Variants in ARID1B observed in about 807,000 individuals in gnomAD.
ARID1B encodes AT-rich interactive domain-containing protein 1B.
ARID1B carries 30 observed loss-of-function variants against 212.3 expected under a neutral mutation model. The observed-to-expected ratio is 0.14, with a 90% CI of 0.11 to 0.19. The LOEUF is 0.19. ARID1B is among the 10% of genes least tolerant of loss of function. ARID1B has a pLI of 1.00. For synonymous variants in ARID1B, 1,402 were observed against 1,301.7 expected, an observed-to-expected ratio of 1.08 and a Z score of -1.66; for missense variants, 2,891 against 3,204.0, an observed-to-expected ratio of 0.90 and a Z score of 2.36.
At position 156,779,089 on chromosome 6, in the gene ARID1B, C is replaced by T. The variant is rs1299393714; in HGVS notation, c.1409C>T (p.Ala470Val). Residue 470 changes from alanine (A) to valine (V), a missense_variant, in exon 1 of 20, where the codon GCC becomes GTC. By Grantham distance (64) the Ala-to-Val change is moderately conservative. Coordinates refer to ENST00000636930, the MANE Select transcript of ARID1B (RefSeq NM_001374828.1). ...ATGATGGGCCCCGGGGGCGGCGGGG[C>T]CGCGAGCCTCAGCAAGGCGGCCGCC... ...GMMMGPGGGGAASLSKAAAGS... is the reference protein window; with the variant it reads ...GMMMGPGGGGVASLSKAAAGS... The T allele has an allele frequency of 2.5e-6, 3 of 1,222,732 alleles. No homozygotes were observed. The highest frequency in any genetic ancestry group is 1.6e-5 in the African/African-American group (1 of 61,624). 75.7% of individuals were successfully genotyped at this position (1,222,732 alleles called of 1,614,324 possible). A position where few individuals can be genotyped will look rare whatever the true frequency, so the allele number is the denominator to read the frequency against.
intron 2 of ARID1B, among the ~76,000 whole-genome samples, chr6:156,860,872 A>G (rs1204250777): frequency 6.6e-6 from 1 of 152,230 alleles, no homozygotes; most frequent in Non-Finnish European, 1.5e-5. Context: ...TCTCTTTAGA[A>G]AAAGCCTTTG....
chr6:156,777,980 G>A lies in ARID1B; in HGVS notation c.300G>A (p.Lys100=), dbSNP rs1338360290. 11 of 1,531,290 alleles carry A rather than the reference G, an allele frequency of 7.2e-6. No homozygotes were observed. In the East Asian group the frequency reaches 2.0e-4, roughly 27 times the overall value. The allele number at this position is 1,531,290 out of a possible 1,614,324, so 94.9% of individuals were successfully genotyped here. A position where few individuals can be genotyped will look rare whatever the true frequency, so the allele number is the denominator to read the frequency against. The change falls in exon 1 of 20, where the codon AAG becomes AAA. Residue 100 remains lysine (K), a synonymous_variant. Coordinates refer to ENST00000636930, the MANE Select transcript of ARID1B (RefSeq NM_001374828.1). ...CCGCCGCCGGCACCCACAGCGCCAA[G>A]AGCGGCGGCTCCGAGGCGGCTCTCA... ...AAAAAGTHSA[K]SGGSEAALKE...
At chr6:157,160,760 C>G (rs944898440) in intron 8 of ARID1B, among the ~76,000 whole-genome samples, 10 of 152,350 alleles carry the variant, frequency 6.6e-5, no homozygotes, top group African/African-American at 2.4e-4. Context: ...TGGAGAGGGC[C>G]TCCTGGATGC....
chr6:157,030,711 G>A (rs1007526458), intron 4 of ARID1B, among the ~76,000 whole-genome samples: 1 of 152,162 alleles, frequency 6.6e-6, no homozygotes, highest in Non-Finnish European at 1.5e-5. Context: ...TATCACTTGC[G>A]GTGAAAAGTG....
At chr6:156,779,848 G>C (rs1779099805) in intron 1 of ARID1B, 1 of 154,296 alleles carries the variant, frequency 6.5e-6, no homozygotes, top group African/African-American at 2.4e-5. Context: ...AGGCTCTCCC[G>C]GCCAGGACGG....
At chr6:156,909,204 C>G (rs377208234) in intron 3 of ARID1B, among the ~76,000 whole-genome samples, 4 of 143,236 alleles carry the variant, frequency 2.8e-5, no homozygotes. Context: ...TGGCTCACTG[C>G]GGCATCTGCC....
At chr6:156,994,367 A>G (rs1778456869) in intron 4 of ARID1B, among the ~76,000 whole-genome samples, 1 of 152,188 alleles carries the variant, frequency 6.6e-6, no homozygotes, top group African/African-American at 2.4e-5. Context: ...TAAAGCTTCC[A>G]GCATACTCTC....
intron 2 of ARID1B, among the ~76,000 whole-genome samples, chr6:156,852,172 G>A (rs910717817): frequency 6.6e-6 from 1 of 152,220 alleles, no homozygotes; most frequent in East Asian, 1.9e-4. Flanking sequence ...TTGAGGCCGG[G>A]CGCAGTGGCT....
intron 8 of ARID1B, chr6:157,149,630 A>C (rs984338439): frequency 6.6e-6 from 1 of 152,262 alleles, no homozygotes; most frequent in Non-Finnish European, 1.5e-5. Flanking sequence ...TGAAGTAAAT[A>C]CTTGACCTGG....
chr6:156,971,038 C>T lies in ARID1B; in HGVS notation c.2247+35462C>T, dbSNP rs145895188. ...ACAGGTTTACTGCTGTGTCCTCATT[C>T]ATCTTCATCCTTCTTGAAGTTCACA... On this transcript the variant is annotated intron_variant, in intron 4 of 19. Coordinates refer to ENST00000636930, the MANE Select transcript of ARID1B (RefSeq NM_001374828.1). Among the ~76,000 whole-genome samples, 341 of 152,312 alleles carry T rather than the reference C, an allele frequency of 2.2e-3. 2 individuals are homozygous for T. The highest frequency in any genetic ancestry group is 7.7e-3 in the African/African-American group (318 of 41,560).
chr6:156,795,842 T>C (rs1484944000), intron 1 of ARID1B, among the ~76,000 whole-genome samples: 2 of 152,098 alleles, frequency 1.3e-5, no homozygotes, highest in East Asian at 1.9e-4. Context: ...ATTCCTCTCT[T>C]CTAATTGCCA....
intron 4 of ARID1B, chr6:157,036,748 C>G (rs977406549): frequency 4.2e-5 from 20 of 476,342 alleles, no homozygotes; most frequent in Non-Finnish European, 2.5e-5. Context: ...ACTCTCAATT[C>G]TAGGCCATGC....
At chr6:156,810,860 T>G (rs1781506807) in intron 1 of ARID1B, among the ~76,000 whole-genome samples, 2 of 152,192 alleles carry the variant, frequency 1.3e-5, no homozygotes, top group African/African-American at 4.8e-5. Context: ...GTGGATTAGT[T>G]TGCTGTTGCT....
chr6:156,953,793 T>C (rs918990408), intron 4 of ARID1B, among the ~76,000 whole-genome samples: 2 of 152,224 alleles, frequency 1.3e-5, no homozygotes, highest in Non-Finnish European at 2.9e-5. Flanking sequence ...GGGTGGGTAA[T>C]GGCCTCCGCA....
At position 156,778,934 on chromosome 6, in the gene ARID1B, A is replaced by G. The variant is rs2114990839; in HGVS notation, c.1254A>G (p.Gly418=). Residue 418 remains glycine (G), a synonymous_variant, in exon 1 of 20, where the codon GGA becomes GGG. Coordinates refer to ENST00000636930, the MANE Select transcript of ARID1B (RefSeq NM_001374828.1). ...GGGGAGAGGA[G]AGAVAAAAAA... is the part of the protein sequence containing the mutation. ...GAGGAGCAGGAGCAGGAGGAGCAGG[A>G]GCGGGAGCTGTGGCGGCGGCGGCCG... The G allele has an allele frequency of 7.7e-7, 1 of 1,305,342 alleles. No individual in the cohort carries two copies. Among genetic ancestry groups the G allele is most frequent in the Non-Finnish European group, 9.7e-7 (1 of 1,035,384 alleles). 80.9% of individuals were successfully genotyped at this position (1,305,342 alleles called of 1,614,324 possible).
At chr6:156,805,850 A>AT (rs1241512375) in intron 1 of ARID1B, among the ~76,000 whole-genome samples, 1 of 151,864 alleles carries the variant, frequency 6.6e-6, no homozygotes, top group South Asian at 2.1e-4. Flanking sequence ...TAATTTTTAA[A>AT]TTTTTTTGTG....
Position 157,201,534 on chromosome 6 carries a change from T to A in ARID1B, c.5263+46T>A, listed in dbSNP as rs1794120920. 6.8e-7 allele frequency: 1 copy of A among 1,480,936 alleles called. No homozygotes were observed. 91.7% of individuals were successfully genotyped at this position (1,480,936 alleles called of 1,614,324 possible). On this transcript the variant is annotated intron_variant, in intron 18 of 19. Coordinates refer to ENST00000636930, the MANE Select transcript of ARID1B (RefSeq NM_001374828.1). This position sits in a 1 kb window ranked among gnomAD's most constrained non-coding sequence, Gnocchi z 5.2. ...ATTCTGAAATGAATTCCAGTTGCAG[T>A]GTAGAATTTTAATTTTAGTAAAGAT...
At chr6:157,044,340 T>TAAATC (rs10696251) in intron 4 of ARID1B, among the ~76,000 whole-genome samples, 49,102 of 151,842 alleles carry the variant, frequency 0.32, 8,069 homozygotes, top group African/African-American at 0.36. Context: ...GGCAGTGACT[T>TAAATC]AAATTTGAGC....
At chr6:157,079,784 TTG>T (rs1288819722) in intron 4 of ARID1B, among the ~76,000 whole-genome samples, 1 of 152,222 alleles carries the variant, frequency 6.6e-6, no homozygotes, top group Non-Finnish European at 1.5e-5. Flanking sequence ...CATATCCATT[TTG>T]TCTTTAGCAC....
Sources: gnomAD v4.1 joint callset for allele counts (sites outside exome capture counted in the v4.1 genomes callset) on GRCh38, gnomAD v4.1.1 for gene constraint, Gnocchi (gnomAD v3.1) non-coding constraint, MANE v1.5 for transcripts, NCBI Gene and HGNC (gene_info 2026-07-23, HGNC 2026-07-21) for gene names.